SORCS1: variants seen among roughly 807,000 people sequenced by gnomAD.
SORCS1 encodes sortilin related VPS10 domain containing receptor 1, also known as VPS10 domain-containing receptor SorCS1.
Under a neutral mutation model 146.1 loss-of-function variants are expected in SORCS1, and 60 were observed. That is an observed-to-expected ratio of 0.41 (90% CI 0.33 to 0.51). The LOEUF is 0.51. Among genes scored for constraint, SORCS1 ranks in the 20% least tolerant of loss-of-function variants. The pLI is 0.21. For synonymous variants in SORCS1, 637 were observed against 584.0 expected (o/e 1.09, Z -1.31); for missense variants, 1,352 against 1,487.6 (o/e 0.91, Z 1.50).
intron 2 of SORCS1, among the ~76,000 whole-genome samples, chr10:106,892,476 C>T (rs1446985303): frequency 6.6e-6 from 1 of 152,178 alleles, no homozygotes; most frequent in Non-Finnish European, 1.5e-5. Flanking sequence ...TCTGGGTAGG[C>T]ACTTACCAAA....
At chr10:106,595,367 T>G (rs1426148734) in intron 24 of SORCS1, among the ~76,000 whole-genome samples, 1 of 152,166 alleles carries the variant, frequency 6.6e-6, no homozygotes, top group Non-Finnish European at 1.5e-5. Flanking sequence ...TACTCAATCC[T>G]CCTTGCTCCT....
intron 5 of SORCS1, among the ~76,000 whole-genome samples, chr10:106,745,661 TCTC>T (rs777439072): frequency 1.3e-5 from 2 of 152,154 alleles, no homozygotes; most frequent in Non-Finnish European, 2.9e-5. Context: ...AGAGCTTAAT[TCTC>T]CTTCCTTTGA....
In SORCS1 at chr10:106,841,017, C is replaced by T. The variant is rs561944917; in HGVS notation, c.627-11344G>A. ...ACTACAGGTGCACGCCACCATACCC[C>T]GCTAATTTTTTGCATTTTAATAGAG... On this transcript the variant is annotated intron_variant, in intron 2 of 25. Transcript: ENST00000263054. 2.1e-4 allele frequency among the ~76,000 whole-genome samples: 32 copies of T among 151,588 alleles called. No individual in the cohort carries two copies. In the South Asian group the frequency reaches 3.3e-3, roughly 16 times the overall value.
At chr10:106,627,813 G>A (rs888388853) in intron 19 of SORCS1, among the ~76,000 whole-genome samples, 6 of 152,212 alleles carry the variant, frequency 3.9e-5, no homozygotes, top group African/African-American at 1.4e-4. Flanking sequence ...ATCCCAAGCC[G>A]CTCTTGGCAC....
intron 10 of SORCS1, among the ~76,000 whole-genome samples, chr10:106,685,189 A>G (rs1324445110): frequency 6.6e-6 from 1 of 152,208 alleles, no homozygotes; most frequent in East Asian, 1.9e-4. Flanking sequence ...GAGGGAATGA[A>G]CAGCTTCCAT....
chr10:106,842,358 C>T lies in SORCS1; in HGVS notation c.627-12685G>A, dbSNP rs145359183. On this transcript the variant is annotated intron_variant, in intron 2 of 25. Transcript: ENST00000263054. ...AAGTGATTCTCCTGCCTCAGGCTCC[C>T]GAGTAGCTGGGACTACCCTTGTGCA... Among the ~76,000 whole-genome samples the T allele has an allele frequency of 3.1e-3, 471 of 152,204 alleles. 4 individuals carry two copies. Among genetic ancestry groups the T allele is most frequent in the East Asian group, 0.02 (103 of 5,166 alleles).
At chr10:106,902,502 G>A (rs1485644425) in intron 2 of SORCS1, among the ~76,000 whole-genome samples, 5 of 152,122 alleles carry the variant, frequency 3.3e-5, no homozygotes, top group Non-Finnish European at 7.3e-5. Context: ...AAAATGGCAT[G>A]AGAAAATAAT....
intron 5 of SORCS1, among the ~76,000 whole-genome samples, chr10:106,735,124 C>T (rs905330393): frequency 8.9e-5 from 11 of 123,766 alleles, no homozygotes; most frequent in Non-Finnish European, 1.1e-4. Context: ...CCAGGCTGGG[C>T]GACAAGAGCG....
intron 1 of SORCS1, among the ~76,000 whole-genome samples, chr10:106,985,400 A>C (rs537393072): frequency 6.6e-6 from 1 of 152,236 alleles, no homozygotes; most frequent in African/African-American, 2.4e-5. Context: ...TACATAGAAA[A>C]CCCAGAATTA....
the SORCS1 span, among the ~76,000 whole-genome samples, chr10:107,174,055 A>G: frequency 6.6e-6 from 1 of 152,198 alleles, no homozygotes; most frequent in East Asian, 1.9e-4. Flanking sequence ...ATTGCATTGT[A>G]TGTATAGATC....
At chr10:107,056,479 T>G (rs1157258110) in intron 1 of SORCS1, among the ~76,000 whole-genome samples, 1 of 152,212 alleles carries the variant, frequency 6.6e-6, no homozygotes, top group Non-Finnish European at 1.5e-5. Context: ...TCTGCCAATT[T>G]CTGAGAAAGA....
intron 24 of SORCS1, 57 bp from the exon 25 acceptor site, chr10:106,579,531 T>G: frequency 1.9e-6 from 3 of 1,544,970 alleles, no homozygotes; most frequent in Non-Finnish European, 2.7e-6. Context: ...GGTGAGACTC[T>G]ATGAGAGGCT....
chr10:106,873,953 G>A (rs547591546), intron 2 of SORCS1, among the ~76,000 whole-genome samples: 1 of 152,294 alleles, frequency 6.6e-6, no homozygotes, highest in African/African-American at 2.4e-5. Flanking sequence ...GAGTGACCTT[G>A]GGCAAGCTGC....
chr10:107,178,757 G>T, the SORCS1 span, among the ~76,000 whole-genome samples: 2 of 151,922 alleles, frequency 1.3e-5, no homozygotes, highest in Admixed American at 1.3e-4. Flanking sequence ...CAAAGTGCTG[G>T]GATTACAGGC....
intron 5 of SORCS1, among the ~76,000 whole-genome samples, chr10:106,733,553 A>G (rs1476840307): frequency 6.6e-6 from 1 of 152,206 alleles, no homozygotes; most frequent in Non-Finnish European, 1.5e-5. Context: ...TAGCCTATAT[A>G]TGCTGCTAAA....
At chr10:106,579,203 T>C (rs1844749089) in intron 25 of SORCS1, 166 bp downstream of exon 25, 1 of 1,614,116 alleles carries the variant, frequency 6.2e-7, no homozygotes, top group Non-Finnish European at 8.5e-7. Context: ...TCATCTCTTG[T>C]TCTTTCTCAT....
intron 1 of SORCS1, among the ~76,000 whole-genome samples, chr10:107,159,736 T>C (rs557365266): frequency 6.6e-6 from 1 of 152,242 alleles, no homozygotes; most frequent in East Asian, 1.9e-4. Context: ...CACACCACAT[T>C]AGCATTCATA....
At chr10:106,600,367 G>C (rs1337369407) in intron 23 of SORCS1, 1 of 976,626 alleles carries the variant, frequency 1.0e-6, no homozygotes, top group Admixed American at 6.2e-5. Flanking sequence ...TTGCATCAAA[G>C]GACATTCAAC....
intron 1 of SORCS1, among the ~76,000 whole-genome samples, chr10:107,012,456 C>T (rs1488952172): frequency 6.6e-6 from 1 of 151,980 alleles, no homozygotes; most frequent in African/African-American, 2.4e-5. Flanking sequence ...ATAATAATAG[C>T]TAGTATTCAT....
Sources: gnomAD v4.1 joint callset for allele counts (sites outside exome capture counted in the v4.1 genomes callset) on GRCh38, gnomAD v4.1.1 for gene constraint, MANE v1.5 for transcripts, NCBI Gene and HGNC (gene_info 2026-07-23, HGNC 2026-07-21) for gene names.